Variants in ATP9A observed in about 807,000 individuals in gnomAD.
The protein encoded by ATP9A is probable phospholipid-transporting ATPase IIA.
ATP9A carries 52 observed loss-of-function variants against 144.1 expected under a neutral mutation model. That is an observed-to-expected ratio of 0.36 (90% CI 0.29 to 0.45). The LOEUF (loss-of-function observed/expected upper bound fraction) is 0.45, where lower values mean the gene tolerates loss of function less well. ATP9A is among the 20% of genes least tolerant of loss of function. ATP9A has a pLI of 1.00. For missense variants in ATP9A, 947 were observed against 1,392.7 expected (o/e 0.68, Z 5.09); for synonymous variants, 582 against 557.4 (o/e 1.04, Z -0.62).
chr20:51,761,501 G>C (rs183426344), intron 1 of ATP9A, among the ~76,000 whole-genome samples: 15 of 151,954 alleles, frequency 9.9e-5, no homozygotes, highest in East Asian at 1.9e-4. Flanking sequence ...GTGGCTCACG[G>C]CTGTAATCCC....
intron 23 of ATP9A, among the ~76,000 whole-genome samples, chr20:51,613,085 T>G (rs1422448316): frequency 1.3e-5 from 2 of 152,128 alleles, no homozygotes; most frequent in African/African-American, 4.8e-5. Flanking sequence ...AGCCTCAGCC[T>G]CCCCATCCGT....
At chr20:51,604,741 C>T (rs2077156534) in intron 27 of ATP9A, 76 bp downstream of exon 27, 1 of 1,320,794 alleles carries the variant, frequency 7.6e-7, no homozygotes, top group Non-Finnish European at 9.9e-7. Flanking sequence ...ACCCCCCTTC[C>T]TTCATACGGC....
chr20:51,735,940 T>C (rs764127609), intron 1 of ATP9A, among the ~76,000 whole-genome samples: 4 of 152,164 alleles, frequency 2.6e-5, no homozygotes, highest in Admixed American at 6.5e-5. Flanking sequence ...CCTCCTCCCA[T>C]GGACCTTGTA....
At chr20:51,728,553 A>G (rs56657553) in intron 2 of ATP9A, among the ~76,000 whole-genome samples, 10,137 of 149,768 alleles carry the variant, frequency 0.068, 784 homozygotes, top group African/African-American at 0.19. Context: ...GCTTGAACCC[A>G]GGAGGCGGAG....
At chr20:51,652,033 C>T (rs907848821) in intron 14 of ATP9A, among the ~76,000 whole-genome samples, 2 of 152,210 alleles carry the variant, frequency 1.3e-5, no homozygotes, top group Non-Finnish European at 2.9e-5. Flanking sequence ...ACAGCACCTC[C>T]TGGCTCAAAC....
rs1008402007 is a variant in ATP9A, at chr20:51,625,113, C to G, written c.2016+79G>C. The stretch of plus-strand genomic sequence containing the variant: ...CCTCTGCTGCTCCTCCCACCCTTTC[C>G]CCCTGTGATCTCCCTGCACTGCTGA... On this transcript the variant is annotated intron_variant, in intron 18 of 27. Transcript: ENST00000338821. 5 of 1,427,004 alleles carry G rather than the reference C, an allele frequency of 3.5e-6. No homozygotes were observed. The African/African-American group carries it at 4.2e-5, about 12-fold the overall frequency. 88.4% of individuals were successfully genotyped at this position (1,427,004 alleles called of 1,614,324 possible). A position where few individuals can be genotyped will look rare whatever the true frequency, so the allele number is the denominator to read the frequency against.
Position 51,600,725 on chromosome 20 carries a change from C to T in ATP9A, c.*486G>A, listed in dbSNP as rs2077138705. 1 of 152,104 alleles carries T rather than the reference C, an allele frequency of 6.6e-6. No individual in the cohort carries two copies. Among genetic ancestry groups the T allele is most frequent in the Non-Finnish European group, 1.5e-5 (1 of 68,136 alleles). 9.4% of individuals were successfully genotyped at this position (152,104 alleles called of 1,614,324 possible). A position where few individuals can be genotyped will look rare whatever the true frequency, so the allele number is the denominator to read the frequency against. On this transcript the variant is annotated 3_prime_UTR_variant, in exon 28 of 28. Coordinates refer to ENST00000338821, the MANE Select transcript of ATP9A (RefSeq NM_006045.3). The stretch of plus-strand genomic sequence containing the variant: ...ACTGTCTTTTCCTCCCAAACCGACA[C>T]CAAGAGCTTTCTATTTTTCTGACAC...
intron 27 of ATP9A, among the ~76,000 whole-genome samples, chr20:51,604,301 G>A (rs2077154649): frequency 6.6e-6 from 1 of 152,180 alleles, no homozygotes; most frequent in Admixed American, 6.5e-5. Context: ...CTACGGAACT[G>A]GCGAGTACCT....
intron 16 of ATP9A, among the ~76,000 whole-genome samples, chr20:51,628,043 G>A (rs565499646): frequency 5.3e-5 from 8 of 152,290 alleles, no homozygotes; most frequent in African/African-American, 1.9e-4. Flanking sequence ...CACAATCAAT[G>A]ATGGCTGAGG....
intron 3 of ATP9A, among the ~76,000 whole-genome samples, chr20:51,714,347 G>A (rs1397074626): frequency 6.6e-6 from 1 of 151,522 alleles, no homozygotes. Flanking sequence ...ACCATGCCTG[G>A]CTAATTTTTG....
At chr20:51,762,727 T>TTTTTG (rs2077886495) in intron 1 of ATP9A, among the ~76,000 whole-genome samples, 1 of 128,670 alleles carries the variant, frequency 7.8e-6, no homozygotes, top group Non-Finnish European at 1.7e-5. Context: ...TTTTTTTTTT[T>TTTTTG]GAGACAGGGT....
Position 51,613,739 on chromosome 20 carries a change from T to G in ATP9A, c.2509A>C (p.Lys837Gln). Residue 837 changes from lysine (K) to glutamine (Q), a missense_variant, in exon 23 of 28, where the codon AAG becomes CAG. By Grantham distance (53) the Lys-to-Gln change is moderately conservative (BLOSUM62 1). Transcript: ENST00000338821. ...LLMVHGRNSY[K>Q]RSAALSQFVI... ...AACTGGCTGAGGGCGGCTGACCGCTTGTAGCTGTTCCGGCCATGCACCATA... is the reference window on the plus strand; with the variant it reads ...AACTGGCTGAGGGCGGCTGACCGCTGGTAGCTGTTCCGGCCATGCACCATA... 6.2e-7 allele frequency: 1 copy of G among 1,614,182 alleles called. No homozygotes were observed. The highest frequency in any genetic ancestry group is 8.5e-7 in the Non-Finnish European group (1 of 1,180,034).
intron 13 of ATP9A, among the ~76,000 whole-genome samples, chr20:51,660,679 A>C (rs895508568): frequency 2.0e-5 from 3 of 152,236 alleles, no homozygotes; most frequent in Non-Finnish European, 4.4e-5. Flanking sequence ...CCAAATGGTC[A>C]TGCGCATACA....
chr20:51,762,239 G>A (rs573321548), intron 1 of ATP9A, among the ~76,000 whole-genome samples: 69 of 152,136 alleles, frequency 4.5e-4, no homozygotes, highest in African/African-American at 1.5e-3. Context: ...GGTGGCTCAC[G>A]CCTGTAATCC....
rs145687230 is a variant in ATP9A at position 51,744,123 on chromosome 20, C to T, written c.69-14145G>A. Among the ~76,000 whole-genome samples the T allele has an allele frequency of 4.4e-3, 675 of 152,230 alleles. 4 individuals are homozygous for T. The highest frequency in any genetic ancestry group is 7.0e-3 in the Non-Finnish European group (476 of 68,012). On this transcript the variant is annotated intron_variant, in intron 1 of 27. Coordinates refer to ENST00000338821, the MANE Select transcript of ATP9A (RefSeq NM_006045.3). ...GTAAGTTTATAAATAACTTCGTTTACACTGCTTCCTGCTTAGACCATTTAT... is the reference window on the plus strand; with the variant it reads ...GTAAGTTTATAAATAACTTCGTTTATACTGCTTCCTGCTTAGACCATTTAT...
chr20:51,693,092 T>C (rs36066037), intron 7 of ATP9A, among the ~76,000 whole-genome samples: 10,705 of 152,220 alleles, frequency 0.07, 616 homozygotes, highest in African/African-American at 0.16. Context: ...GGCCAACTAC[T>C]GCGGCCATCC....
chr20:51,686,258 T>G (rs553274597), intron 9 of ATP9A, among the ~76,000 whole-genome samples: 1 of 152,008 alleles, frequency 6.6e-6, no homozygotes, highest in Non-Finnish European at 1.5e-5. Context: ...GAGATATACC[T>G]AATGTACATG....
intron 13 of ATP9A, among the ~76,000 whole-genome samples, chr20:51,657,964 T>A (rs2077394212): frequency 6.6e-6 from 1 of 152,222 alleles, no homozygotes. Context: ...ACTGGCCTTC[T>A]CCATCCCTTC....
chr20:51,715,501 T>C (rs1181531926), intron 3 of ATP9A, among the ~76,000 whole-genome samples: 1 of 152,216 alleles, frequency 6.6e-6, no homozygotes, highest in Non-Finnish European at 1.5e-5. Flanking sequence ...TTTCTATTTC[T>C]CTCTGCGTGG....
Sources: gnomAD v4.1 joint callset for allele counts (sites outside exome capture counted in the v4.1 genomes callset) on GRCh38, gnomAD v4.1.1 for gene constraint, MANE v1.5 for transcripts, NCBI Gene and HGNC (gene_info 2026-07-23, HGNC 2026-07-21) for gene names.